The following WIZ variants were observed in gnomAD, a reference collection of about 807,000 sequenced individuals.
The protein encoded by WIZ is protein Wiz.
Under a neutral mutation model 140.2 loss-of-function variants are expected in WIZ, and 25 were observed. The observed-to-expected ratio is 0.18, with a 90% CI of 0.13 to 0.25. The LOEUF is 0.25. Ranked by LOEUF, WIZ falls within the 10% of genes least tolerant of loss-of-function variation. The pLI, the probability that WIZ is intolerant of heterozygous loss-of-function variation, is 1.00. For missense variants in WIZ, 2,231 were observed against 2,632.6 expected (o/e 0.85, Z 3.34); for synonymous variants, 1,125 against 1,154.3 (o/e 0.97, Z 0.51).
chr19:15,442,572 T>C lies in WIZ; in HGVS notation c.278+104A>G, dbSNP rs989781350. On this transcript the variant is annotated intron_variant, in intron 3 of 12. Transcript: ENST00000673675. This position sits in a 1 kb window ranked among gnomAD's most constrained non-coding sequence, Gnocchi z 5.5. ...CTCCTCCTCCTGCCTGGCCTCCTGA[T>C]TCCCTCCTGTCCCCTTCTCATTCCC... The C allele has an allele frequency of 7.8e-5, 72 of 927,674 alleles. No individual in the cohort carries two copies. Among genetic ancestry groups the C allele is most frequent in the Non-Finnish European group, 9.9e-5 (70 of 710,322 alleles). The allele number at this position is 927,674 out of a possible 1,614,324, so 57.5% of individuals were successfully genotyped here. A position where few individuals can be genotyped will look rare whatever the true frequency, so the allele number is the denominator to read the frequency against.
intron 2 of WIZ, among the ~76,000 whole-genome samples, chr19:15,446,609 C>T (rs1969927982): frequency 1.3e-5 from 2 of 152,184 alleles, no homozygotes; most frequent in South Asian, 4.1e-4. Flanking sequence ...ATGTACACAG[C>T]CCCCTGCCTA....
At chr19:15,432,761 T>G (rs1038988058) in intron 5 of WIZ, among the ~76,000 whole-genome samples, 21 of 150,880 alleles carry the variant, frequency 1.4e-4, no homozygotes, top group Non-Finnish European at 2.7e-4. Context: ...GAGCGCCGAG[T>G]GCCGAGTGCC....
At chr19:15,429,078 C>T (rs1043354422) in intron 7 of WIZ, among the ~76,000 whole-genome samples, 1 of 152,174 alleles carries the variant, frequency 6.6e-6, no homozygotes, top group Non-Finnish European at 1.5e-5. Flanking sequence ...CCTGCCGTGC[C>T]CACAGGCAGC....
rs1275430579 is a variant in WIZ, at chr19:15,424,467, T to C, written c.5315-89A>G. 92 of 1,537,948 alleles carry C rather than the reference T, an allele frequency of 6.0e-5. No homozygotes were observed. The highest frequency in any genetic ancestry group is 8.1e-5 in the Non-Finnish European group (92 of 1,138,004). ...ACAAGAGCTGAGGACTGATGCTACC[T>C]GGATGGGTGGGATGGGGGATGGATG... On this transcript the variant is annotated intron_variant, in intron 11 of 12. Transcript: ENST00000673675. The surrounding 1 kb of genome is among the most constrained non-coding windows in gnomAD (Gnocchi z 9.7).
intron 5 of WIZ, among the ~76,000 whole-genome samples, chr19:15,435,049 A>G (rs997057038): frequency 1.3e-5 from 2 of 152,066 alleles, no homozygotes; most frequent in Non-Finnish European, 2.9e-5. Context: ...TAACATAGTG[A>G]AACCTCGTCA....
At chr19:15,430,733 G>C (rs543238956) in intron 6 of WIZ, among the ~76,000 whole-genome samples, 1 of 104,634 alleles carries the variant, frequency 9.6e-6, no homozygotes, top group Non-Finnish European at 1.9e-5. Flanking sequence ...GCCAGATTCA[G>C]CAAATGAGCT....
At position 15,439,454 on chromosome 19, in the gene WIZ, G is replaced by A; in HGVS notation, c.1540C>T (p.His514Tyr). 1.3e-6 allele frequency: 2 copies of A among 1,533,882 alleles called. No homozygotes were observed. Among genetic ancestry groups the A allele is most frequent in the East Asian group, 2.4e-5 (1 of 40,888 alleles). Residue 514 changes from histidine (H) to tyrosine (Y), a missense_variant, in exon 4 of 13, where the codon CAC becomes TAC. By Grantham distance (83) the His-to-Tyr change is moderately conservative. This residue lies in a region of WIZ where 475 missense variants were observed against 520.2 expected (regional missense o/e 0.91). Transcript: ENST00000673675. This position sits in a 1 kb window ranked among gnomAD's most constrained non-coding sequence, Gnocchi z 7.0. ...ASQPGTSQDA[H>Y]ACFPDTAVDY... The stretch of plus-strand genomic sequence containing the variant: ...ACAGCAGTGTCAGGGAAGCAGGCGT[G>A]AGCATCCTGGCTAGTGCCTGGCTGG...
chr19:15,428,192 G>A lies in WIZ; in HGVS notation c.3732C>T (p.Pro1244=), dbSNP rs1599664991. ...AKLKAAGMAS[P]WGKQDLSAAA... ...CGGCCGAGAGGTCCTGCTTCCCCCA[G>A]GGGCTGGCCATACCCGCGGCCTTCA... The change falls in exon 8 of 13, where the codon CCC becomes CCT. Residue 1244 remains proline, a synonymous_variant. Coordinates refer to ENST00000673675, the MANE Select transcript of WIZ (RefSeq NM_001371589.1). The surrounding 1 kb of genome is among the most constrained non-coding windows in gnomAD (Gnocchi z 6.4). 6.5e-7 allele frequency: 1 copy of A among 1,534,444 alleles called. No homozygotes were observed. The highest frequency in any genetic ancestry group is 8.7e-7 in the Non-Finnish European group (1 of 1,146,700).
intron 1 of WIZ, among the ~76,000 whole-genome samples, chr19:15,448,978 T>C (rs187083930): frequency 6.0e-5 from 9 of 150,748 alleles, no homozygotes; most frequent in Non-Finnish European, 5.9e-5. Flanking sequence ...CAGCCTCAAG[T>C]GACCCCAGCA....
chr19:15,426,853 C>T (rs1968854965), intron 9 of WIZ, 129 bp downstream of exon 9: 3 of 1,095,332 alleles, frequency 2.7e-6, no homozygotes, highest in Admixed American at 2.4e-5. Flanking sequence ...ACACAGCTAA[C>T]CCTGTGTCCT....
Position 15,422,897 on chromosome 19 carries a change from G to A in WIZ, c.*179C>T. On this transcript the variant is annotated 3_prime_UTR_variant, in exon 13 of 13. Transcript: ENST00000673675. Reference sequence around the variant, plus strand: ...CCCCAGAGTCCTCGGGCTGGGGGAAGGGCAGCTAGCTGGCTCCCGGCGCCC... The same window carrying A: ...CCCCAGAGTCCTCGGGCTGGGGGAAAGGCAGCTAGCTGGCTCCCGGCGCCC... The A allele has an allele frequency of 2.3e-6, 2 of 881,222 alleles. No homozygotes were observed. Among genetic ancestry groups the A allele is most frequent in the East Asian group, 2.7e-5 (1 of 36,640 alleles). The allele number at this position is 881,222 out of a possible 1,614,324, so 54.6% of individuals were successfully genotyped here. A position where few individuals can be genotyped will look rare whatever the true frequency, so the allele number is the denominator to read the frequency against.
At chr19:15,432,283 G>C (rs567581577) in intron 5 of WIZ, among the ~76,000 whole-genome samples, 1 of 152,032 alleles carries the variant, frequency 6.6e-6, no homozygotes, top group East Asian at 2.0e-4. Flanking sequence ...GACCCTGCGA[G>C]CGGCGACAGA....
Position 15,423,049 on chromosome 19 carries a change from C to T in WIZ, c.*27G>A, listed in dbSNP as rs772749107. ...GGAAGAAGAGGAGACAGAGGTGGCACGAGAGGGGATCTGGAATGCTTTTGT... is the reference window on the plus strand; with the variant it reads ...GGAAGAAGAGGAGACAGAGGTGGCATGAGAGGGGATCTGGAATGCTTTTGT... On this transcript the variant is annotated 3_prime_UTR_variant, in exon 13 of 13. Coordinates refer to ENST00000673675, the MANE Select transcript of WIZ (RefSeq NM_001371589.1). 1.7e-5 allele frequency: 27 copies of T among 1,605,056 alleles called. No homozygotes were observed. The highest frequency in any genetic ancestry group is 6.7e-5 in the East Asian group (3 of 44,724).
intron 3 of WIZ, among the ~76,000 whole-genome samples, chr19:15,441,025 G>GT (rs1969725972): frequency 2.0e-5 from 3 of 152,170 alleles, no homozygotes. Context: ...AAGAAGTCTG[G>GT]TGGCAACAGT....
rs968087878 is a variant in WIZ, at chr19:15,438,969, C to T, written c.2025G>A (p.Gln675=). 6.9e-7 allele frequency: 1 copy of T among 1,454,898 alleles called. No individual in the cohort carries two copies. The highest frequency in any genetic ancestry group is 1.4e-5 in the African/African-American group (1 of 70,212). The allele number at this position is 1,454,898 out of a possible 1,614,324, so 90.1% of individuals were successfully genotyped here. The stretch of plus-strand genomic sequence containing the variant: ...TGGGTACCATCCCTCGGAGCTGCTG[C>T]TGCTGCCCCTGGGTGGCCTCTACTG... ...LQAVEATQGQ[Q]QQLRGMVPIV... is the part of the protein sequence containing the mutation. The change falls in exon 4 of 13, where the codon CAG becomes CAA. Residue 675 remains glutamine, a synonymous_variant. Coordinates refer to ENST00000673675, the MANE Select transcript of WIZ (RefSeq NM_001371589.1).
chr19:15,445,952 A>T (rs371707757), intron 2 of WIZ, among the ~76,000 whole-genome samples: 2 of 152,152 alleles, frequency 1.3e-5, no homozygotes. Context: ...TATAGGCATC[A>T]CAAGACTAGT....
chr19:15,445,841 G>A (rs1442910116), intron 2 of WIZ, among the ~76,000 whole-genome samples: 1 of 152,134 alleles, frequency 6.6e-6, no homozygotes, highest in Non-Finnish European at 1.5e-5. Flanking sequence ...GTTTGGAGGT[G>A]GCCACTCCAG....
Position 15,430,124 on chromosome 19 carries a change from G to A in WIZ, c.2912-35C>T, listed in dbSNP as rs1969135351. The A allele has an allele frequency of 3.4e-6, 5 of 1,479,568 alleles. No homozygotes were observed. The South Asian group carries it at 6.6e-5, about 19-fold the overall frequency. The allele number at this position is 1,479,568 out of a possible 1,614,324, so 91.7% of individuals were successfully genotyped here. ...AACACAGAGGCCGGGAGAGCAGGCTGTGAGGCCCACGGCCCAGCTCTCCCG... is the reference window on the plus strand; with the variant it reads ...AACACAGAGGCCGGGAGAGCAGGCTATGAGGCCCACGGCCCAGCTCTCCCG... On this transcript the variant is annotated intron_variant, in intron 6 of 12. Transcript: ENST00000673675.
chr19:15,425,147 G>T, intron 10 of WIZ, 94 bp downstream of exon 10: 1 of 1,529,142 alleles, frequency 6.5e-7, no homozygotes, highest in Admixed American at 2.0e-5. Flanking sequence ...AGCCATGGGG[G>T]CCCCACTTGG....
Sources: allele counts gnomAD v4.1 joint callset (sites outside exome capture counted in the v4.1 genomes callset), GRCh38; gene constraint gnomAD v4.1.1; regional missense constraint gnomAD v4.1.1; non-coding constraint Gnocchi (gnomAD v3.1); transcripts MANE v1.5; gene names NCBI Gene and HGNC (gene_info 2026-07-23, HGNC 2026-07-21).